The following GPR39 variants were observed in gnomAD, a reference collection of about 807,000 sequenced individuals.
The protein encoded by GPR39 is G protein-coupled receptor 39.
In GPR39, 23 loss-of-function variants were observed where a neutral mutation model predicts 18.4. That is an observed-to-expected ratio of 1.25 (90% CI 0.90 to 1.77). The LOEUF is 1.77. Ranked by LOEUF, GPR39 falls within the 40% of genes most tolerant of loss-of-function variation. GPR39 has a pLI of 0.00. For missense variants in GPR39, 647 were observed against 602.4 expected, an observed-to-expected ratio of 1.07 and a Z score of -0.78; for synonymous variants, 280 against 257.9, an observed-to-expected ratio of 1.09 and a Z score of -0.82.
At chr2:132,434,794 C>T (rs1044226521) in intron 1 of GPR39, among the ~76,000 whole-genome samples, 11 of 152,090 alleles carry the variant, frequency 7.2e-5, no homozygotes, top group East Asian at 1.9e-4. Context: ...ACAATAGAGC[C>T]GATTCAGAAA....
intron 1 of GPR39, among the ~76,000 whole-genome samples, chr2:132,506,306 CT>C (rs1429513372): frequency 2.6e-5 from 4 of 152,038 alleles, no homozygotes; most frequent in Non-Finnish European, 5.9e-5. Flanking sequence ...ATATTAGTCC[CT>C]TGTTAGATGA....
intron 1 of GPR39, among the ~76,000 whole-genome samples, chr2:132,466,935 G>A (rs893019345): frequency 6.6e-6 from 1 of 152,046 alleles, no homozygotes; most frequent in Non-Finnish European, 1.5e-5. Flanking sequence ...GATTTCTCCT[G>A]CGTGACAAGG....
chr2:132,634,697 G>A (rs1188895468), intron 1 of GPR39, among the ~76,000 whole-genome samples: 1 of 152,168 alleles, frequency 6.6e-6, no homozygotes, highest in Non-Finnish European at 1.5e-5. Flanking sequence ...CCAGCCTTAT[G>A]CTCTAGGTCC....
intron 1 of GPR39, among the ~76,000 whole-genome samples, chr2:132,584,169 G>A (rs971762659): frequency 1.4e-4 from 21 of 152,084 alleles, no homozygotes; most frequent in African/African-American, 3.9e-4. Context: ...CAGTGGGCAC[G>A]TGACCTGGCC....
intron 1 of GPR39, among the ~76,000 whole-genome samples, chr2:132,503,390 G>C (rs1451571198): frequency 6.6e-6 from 1 of 152,152 alleles, no homozygotes; most frequent in East Asian, 1.9e-4. Context: ...GCTGGTACTG[G>C]GGAATGTCAG....
chr2:132,500,519 G>A (rs999481386), intron 1 of GPR39, among the ~76,000 whole-genome samples: 54 of 152,100 alleles, frequency 3.6e-4, no homozygotes, highest in Admixed American at 3.5e-3. Context: ...GTGTTCATCA[G>A]GGATATTGGT....
At chr2:132,619,435 G>T (rs1002704833) in intron 1 of GPR39, among the ~76,000 whole-genome samples, 1 of 152,110 alleles carries the variant, frequency 6.6e-6, no homozygotes, top group Non-Finnish European at 1.5e-5. Context: ...AGCCTTCAGG[G>T]GCAGAACCTT....
chr2:132,501,054 G>GTTTTTTTTTTTTTTTTTTTTTTTTTT (rs55720929), intron 1 of GPR39, among the ~76,000 whole-genome samples: 1 of 90,322 alleles, frequency 1.1e-5, no homozygotes, highest in Non-Finnish European at 2.2e-5. Flanking sequence ...TATCTTTTGT[G>GTTTTTTTTTTTTTTTTTTTTTTTTTT]TTTTTTTTTT....
chr2:132,556,984 T>C (rs187122938), intron 1 of GPR39, among the ~76,000 whole-genome samples: 4 of 152,314 alleles, frequency 2.6e-5, no homozygotes, highest in Admixed American at 2.0e-4. Flanking sequence ...GCAATTCACC[T>C]TGTAGAGGGC....
intron 1 of GPR39, among the ~76,000 whole-genome samples, chr2:132,461,215 A>C (rs977029541): frequency 2.6e-5 from 4 of 152,200 alleles, no homozygotes; most frequent in Non-Finnish European, 5.9e-5. Flanking sequence ...GTGTTACAAA[A>C]GTCACTCTAA....
chr2:132,603,175 G>A (rs1681076296), intron 1 of GPR39, among the ~76,000 whole-genome samples: 1 of 152,108 alleles, frequency 6.6e-6, no homozygotes, highest in South Asian at 2.1e-4. Flanking sequence ...AAAATGTGAT[G>A]TATATATGCA....
intron 1 of GPR39, among the ~76,000 whole-genome samples, chr2:132,597,755 CA>C (rs1332326545): frequency 6.6e-6 from 1 of 152,172 alleles, no homozygotes; most frequent in Non-Finnish European, 1.5e-5. Context: ...GAACCCAAGT[CA>C]AACAGGCAAT....
chr2:132,524,400 G>A (rs113208896), intron 1 of GPR39, among the ~76,000 whole-genome samples: 5,336 of 152,270 alleles, frequency 0.035, 318 homozygotes, highest in African/African-American at 0.12. Flanking sequence ...CCTAGCAGTG[G>A]TGGTGACATT....
chr2:132,622,324 G>A (rs948838347), intron 1 of GPR39, among the ~76,000 whole-genome samples: 1 of 152,154 alleles, frequency 6.6e-6, no homozygotes, highest in Non-Finnish European at 1.5e-5. Context: ...AAACTGGGAG[G>A]CGGAGGTTGC....
chr2:132,605,189 G>T (rs1416796015), intron 1 of GPR39, among the ~76,000 whole-genome samples: 1 of 152,142 alleles, frequency 6.6e-6, no homozygotes, highest in Non-Finnish European at 1.5e-5. Flanking sequence ...TTAGGCTGTT[G>T]GATGTGCATA....
intron 1 of GPR39, among the ~76,000 whole-genome samples, chr2:132,475,473 A>G (rs1681108135): frequency 6.6e-6 from 1 of 151,898 alleles, no homozygotes; most frequent in Admixed American, 6.6e-5. Flanking sequence ...TCTTTCGACA[A>G]GTTGATTGAG....
chr2:132,559,271 T>C (rs1486718480), intron 1 of GPR39, among the ~76,000 whole-genome samples: 1 of 152,180 alleles, frequency 6.6e-6, no homozygotes, highest in Non-Finnish European at 1.5e-5. Context: ...GATATGGCTT[T>C]GTAAATTTTT....
chr2:132,576,415 G>A (rs1327731053), intron 1 of GPR39, among the ~76,000 whole-genome samples: 1 of 152,140 alleles, frequency 6.6e-6, no homozygotes, highest in African/African-American at 2.4e-5. Flanking sequence ...CACTTGAGGA[G>A]TCTGAGGCAG....
intron 1 of GPR39, among the ~76,000 whole-genome samples, chr2:132,429,639 GT>G (rs1215602169): frequency 6.6e-6 from 1 of 152,238 alleles, no homozygotes; most frequent in East Asian, 1.9e-4. Context: ...GACAAATGGG[GT>G]TAAAAGAGTG....
Sources: gnomAD v4.1 joint callset for allele counts (sites outside exome capture counted in the v4.1 genomes callset) on GRCh38, gnomAD v4.1.1 for gene constraint, MANE v1.5 for transcripts, NCBI Gene and HGNC (gene_info 2026-07-23, HGNC 2026-07-21) for gene names.